FSTL5: variants seen among roughly 807,000 people sequenced by gnomAD.
FSTL5 encodes follistatin like 5, also known as follistatin-related protein 5.
FSTL5 carries 62 observed loss-of-function variants against 89.1 expected under a neutral mutation model. The observed-to-expected ratio is 0.70, with a 90% CI of 0.57 to 0.86. The LOEUF is 0.86. Ranked by LOEUF, FSTL5 falls within the 40% of genes least tolerant of loss-of-function variation. The pLI is 0.00. For missense variants in FSTL5, 1,057 were observed against 1,001.6 expected (o/e 1.06, Z -0.75); for synonymous variants, 383 against 346.2 (o/e 1.11, Z -1.18).
At position 162,040,771 on chromosome 4, in the gene FSTL5, G is replaced by T. The variant is rs145111314; in HGVS notation, c.127-7113C>A. Reference sequence around the variant, plus strand: ...GATCCAGTCTTACCTCCTCAACAAGGCCTTCGCTGAACATTCTATCTAAAT... The same window carrying T: ...GATCCAGTCTTACCTCCTCAACAAGTCCTTCGCTGAACATTCTATCTAAAT... On this transcript the variant is annotated intron_variant, in intron 2 of 15. Coordinates refer to ENST00000306100, the MANE Select transcript of FSTL5 (RefSeq NM_020116.5). Among the ~76,000 whole-genome samples the T allele has an allele frequency of 8.5e-4, 129 of 151,876 alleles. 1 individual carries two copies. The highest frequency in any genetic ancestry group is 2.7e-3 in the African/African-American group (111 of 41,444).
intron 4 of FSTL5, among the ~76,000 whole-genome samples, chr4:161,876,406 A>G (rs1333746380): frequency 6.6e-6 from 1 of 152,234 alleles, no homozygotes; most frequent in East Asian, 1.9e-4. Context: ...TTAGATTAGC[A>G]CTGTATACCT....
intron 8 of FSTL5, among the ~76,000 whole-genome samples, chr4:161,582,910 G>A (rs1474920485): frequency 2.0e-5 from 3 of 152,114 alleles, no homozygotes; most frequent in East Asian, 1.9e-4. Flanking sequence ...TGTCTCAGCC[G>A]GGTGTGGTGG....
chr4:161,695,219 T>A (rs1738097469), intron 6 of FSTL5, among the ~76,000 whole-genome samples: 1 of 151,934 alleles, frequency 6.6e-6, no homozygotes, highest in Non-Finnish European at 1.5e-5. Context: ...TCCCAGCCTT[T>A]CCCCCGAGTC....
chr4:161,721,106 G>A (rs1202989639), intron 6 of FSTL5, among the ~76,000 whole-genome samples: 4 of 150,848 alleles, frequency 2.7e-5, no homozygotes, highest in African/African-American at 7.3e-5. Flanking sequence ...GTGAAACCCC[G>A]TCTCTACTAA....
chr4:161,840,188 G>A (rs1279284409), intron 4 of FSTL5, among the ~76,000 whole-genome samples: 3 of 152,040 alleles, frequency 2.0e-5, no homozygotes, highest in Non-Finnish European at 4.4e-5. Flanking sequence ...CTAAAGGAAA[G>A]TGATTCCATG....
chr4:161,601,420 T>G (rs1734232686), intron 7 of FSTL5, among the ~76,000 whole-genome samples: 1 of 146,200 alleles, frequency 6.8e-6, no homozygotes, highest in Admixed American at 6.9e-5. Flanking sequence ...AGAAAGACCC[T>G]CCTTGTTCCA....
intron 7 of FSTL5, among the ~76,000 whole-genome samples, chr4:161,649,714 C>T (rs1483467392): frequency 6.6e-6 from 1 of 152,132 alleles, no homozygotes; most frequent in East Asian, 1.9e-4. Context: ...GAGTAGTATG[C>T]CGAACTAAAT....
intron 4 of FSTL5, among the ~76,000 whole-genome samples, chr4:161,897,814 T>C (rs1184274140): frequency 6.6e-6 from 1 of 151,398 alleles, no homozygotes; most frequent in Non-Finnish European, 1.5e-5. Flanking sequence ...TAATGTGATA[T>C]ATACATCATC....
chr4:162,161,523 C>A (rs1733695434), intron 1 of FSTL5, among the ~76,000 whole-genome samples: 1 of 151,820 alleles, frequency 6.6e-6, no homozygotes, highest in Non-Finnish European at 1.5e-5. Flanking sequence ...GTTATTATTG[C>A]CAGTAGCATA....
intron 13 of FSTL5, among the ~76,000 whole-genome samples, chr4:161,474,544 G>GTA (rs147822987): frequency 5.7e-5 from 7 of 121,844 alleles, no homozygotes; most frequent in Non-Finnish European, 6.7e-5. Flanking sequence ...ATTGTGTAGT[G>GTA]GTTTTTTTTT....
intron 2 of FSTL5, among the ~76,000 whole-genome samples, chr4:162,074,533 A>G (rs1729758761): frequency 6.6e-6 from 1 of 151,816 alleles, no homozygotes; most frequent in Non-Finnish European, 1.5e-5. Context: ...TTAAATTTCA[A>G]TAATATAACA....
intron 6 of FSTL5, among the ~76,000 whole-genome samples, chr4:161,736,627 G>A (rs756132678): frequency 3.7e-4 from 57 of 152,142 alleles, no homozygotes; most frequent in Non-Finnish European, 6.9e-4. Context: ...AGTTTTCTCC[G>A]GTATGTAGCT....
At chr4:161,569,084 A>G (rs1187123633) in intron 8 of FSTL5, among the ~76,000 whole-genome samples, 2 of 151,978 alleles carry the variant, frequency 1.3e-5, no homozygotes, top group Non-Finnish European at 2.9e-5. Context: ...TACACCCTCA[A>G]CCTCCTGGGC....
chr4:161,887,122 A>G (rs970771911), intron 4 of FSTL5, among the ~76,000 whole-genome samples: 4 of 152,146 alleles, frequency 2.6e-5, no homozygotes, highest in African/African-American at 9.7e-5. Context: ...AGAAGGGAAG[A>G]CCAATAGTAT....
chr4:162,098,618 T>C lies in FSTL5; in HGVS notation c.126+12653A>G, dbSNP rs566557937. On this transcript the variant is annotated intron_variant, in intron 2 of 15. Coordinates refer to ENST00000306100, the MANE Select transcript of FSTL5 (RefSeq NM_020116.5). The stretch of plus-strand genomic sequence containing the variant: ...AACCCCCAGAATAGTCAACTCAATA[T>C]TGAAAGAAAAGAACAAGGTCAGAGG... Among the ~76,000 whole-genome samples, 4 of 152,046 alleles carry C rather than the reference T, an allele frequency of 2.6e-5. No homozygotes were observed. In the South Asian group the frequency reaches 6.2e-4, roughly 24 times the overall value.
At chr4:161,918,267 T>A (rs1733893473) in intron 4 of FSTL5, among the ~76,000 whole-genome samples, 1 of 152,100 alleles carries the variant, frequency 6.6e-6, no homozygotes, top group African/African-American at 2.4e-5. Context: ...TCTGATGAAA[T>A]AAAGTAATTT....
chr4:161,726,913 ATATAT>A (rs756177921), intron 6 of FSTL5, among the ~76,000 whole-genome samples: 2 of 35,648 alleles, frequency 5.6e-5, no homozygotes, highest in African/African-American at 9.1e-5. Flanking sequence ...AAAAAAAAAA[ATATAT>A]ATATATATAT....
chr4:161,689,206 T>C lies in FSTL5; in HGVS notation c.728-32712A>G, dbSNP rs576936594. Among the ~76,000 whole-genome samples the C allele has an allele frequency of 4.1e-4, 62 of 152,302 alleles. No homozygotes were observed. In the South Asian group the frequency reaches 4.8e-3, roughly 12 times the overall value. ...TTTCCTGGGATAGAAGGACAGATTA[T>C]TCTTTTTCCATGTTTAATAAACTCT... On this transcript the variant is annotated intron_variant, in intron 6 of 15. Coordinates refer to ENST00000306100, the MANE Select transcript of FSTL5 (RefSeq NM_020116.5).
At chr4:162,106,965 A>G (rs1220282617) in intron 2 of FSTL5, among the ~76,000 whole-genome samples, 3 of 152,180 alleles carry the variant, frequency 2.0e-5, no homozygotes, top group Non-Finnish European at 2.9e-5. Flanking sequence ...AGATTTTACA[A>G]TTGTGATCCA....
Sources: gnomAD v4.1 joint callset for allele counts (sites outside exome capture counted in the v4.1 genomes callset) on GRCh38, gnomAD v4.1.1 for gene constraint, MANE v1.5 for transcripts, NCBI Gene and HGNC (gene_info 2026-07-23, HGNC 2026-07-21) for gene names.